Variants in HCN4 observed in about 807,000 individuals in gnomAD.
HCN4 encodes hyperpolarization activated cyclic nucleotide gated potassium channel 4.
Under a neutral mutation model 76.9 loss-of-function variants are expected in HCN4, and 29 were observed. That is an observed-to-expected ratio of 0.38 (90% CI 0.28 to 0.51). The LOEUF (loss-of-function observed/expected upper bound fraction) is 0.51, where lower values mean the gene tolerates loss of function less well. Among genes scored for constraint, HCN4 ranks in the 20% least tolerant of loss-of-function variants. The probability of loss-of-function intolerance (pLI) is 0.90; values close to 1 mark genes in which losing one functional copy is unlikely to be tolerated. For synonymous variants in HCN4, 772 were observed against 762.5 expected, an observed-to-expected ratio of 1.01 and a Z score of -0.21; for missense variants, 1,416 against 1,715.2, an observed-to-expected ratio of 0.83 and a Z score of 3.08.
chr15:73,343,673 G>A lies in HCN4; in HGVS notation c.921C>T (p.Leu307=), dbSNP rs2151221238. The change falls in exon 2 of 8, where the codon CTC becomes CTT. Residue 307 remains leucine, a synonymous_variant. Coordinates refer to ENST00000261917, the MANE Select transcript of HCN4 (RefSeq NM_005477.3). The surrounding 1 kb of genome is among the most constrained non-coding windows in gnomAD (Gnocchi z 5.7). ...TGCGGAAGTTGAGGACCAAGTCGAT[G>A]AGGAAGAATGTGTCTGACACCACAT... is the stretch of plus-strand genomic sequence containing the variant. ...VFNVVSDTFF[L]IDLVLNFRTG... 1.2e-6 allele frequency: 2 copies of A among 1,614,180 alleles called. No individual in the cohort carries two copies. The highest frequency in any genetic ancestry group is 1.6e-4 in the Middle Eastern group (1 of 6,062).
rs774647362 is a variant in HCN4, at chr15:73,367,456, A to T, written c.785+30T>A. On this transcript the variant is annotated intron_variant, in intron 1 of 7. Coordinates refer to ENST00000261917, the MANE Select transcript of HCN4 (RefSeq NM_005477.3). The surrounding 1 kb of genome is among the most constrained non-coding windows in gnomAD (Gnocchi z 7.5). ...AGGCATGCCTGCCACCGCGCAGGGCACCCACAGGATCATCGCTGTGGCCCC... is the reference window on the plus strand; with the variant it reads ...AGGCATGCCTGCCACCGCGCAGGGCTCCCACAGGATCATCGCTGTGGCCCC... 102 of 1,611,854 alleles carry T rather than the reference A, an allele frequency of 6.3e-5. No individual in the cohort carries two copies. Among genetic ancestry groups the T allele is most frequent in the Non-Finnish European group, 8.5e-5 (100 of 1,179,836 alleles).
At position 73,320,464 on chromosome 15, in the gene HCN4, G is replaced by A. The variant is rs758539721; in HGVS notation, c.*2017C>T. On this transcript the variant is annotated 3_prime_UTR_variant, in exon 8 of 8. Transcript: ENST00000261917. ...CTTGGAGCATGGAAGGTTCTGGATG[G>A]ATAATGTGGGACCAGCCCTTCTCAT... 6.6e-6 allele frequency: 1 copy of A among 152,266 alleles called. No individual in the cohort carries two copies. Among genetic ancestry groups the A allele is most frequent in the Non-Finnish European group, 1.5e-5 (1 of 68,090 alleles). The allele number at this position is 152,266 out of a possible 1,614,324, so 9.4% of individuals were successfully genotyped here. A position where few individuals can be genotyped will look rare whatever the true frequency, so the allele number is the denominator to read the frequency against.
chr15:73,333,750 G>A (rs748771506), intron 2 of HCN4, among the ~76,000 whole-genome samples: 1 of 152,162 alleles, frequency 6.6e-6, no homozygotes, highest in Non-Finnish European at 1.5e-5. Context: ...GGACAATAGT[G>A]CCACACCTGA....
chr15:73,368,465 CTCGCCGCG>C lies in HCN4; in HGVS notation c.-203_-196del, dbSNP rs1267259629. The C allele has an allele frequency of 2.7e-6, 1 of 371,244 alleles. No homozygotes were observed. Among genetic ancestry groups the C allele is most frequent in the African/African-American group, 2.1e-5 (1 of 47,084 alleles). 23.0% of individuals were successfully genotyped at this position (371,244 alleles called of 1,614,324 possible). On this transcript the variant is annotated 5_prime_UTR_variant, in exon 1 of 8. Transcript: ENST00000261917. The surrounding 1 kb of genome is among the most constrained non-coding windows in gnomAD (Gnocchi z 6.9). Reference sequence around the variant, plus strand: ...CCTAGTCCCGCTCCGAGTCCCCGGGCTCGCCGCGCTACACCTCCTCCCGGGCCCGGCTG... The same window carrying C: ...CCTAGTCCCGCTCCGAGTCCCCGGGCCTACACCTCCTCCCGGGCCCGGCTG...
At chr15:73,330,307 G>A (rs1046296796) in intron 3 of HCN4, among the ~76,000 whole-genome samples, 2 of 152,184 alleles carry the variant, frequency 1.3e-5, no homozygotes, top group Non-Finnish European at 2.9e-5. Context: ...GTGAGCTAAC[G>A]GGCCTCCTGC....
intron 4 of HCN4, among the ~76,000 whole-genome samples, chr15:73,329,372 T>A (rs2042918781): frequency 6.6e-6 from 1 of 151,952 alleles, no homozygotes; most frequent in Non-Finnish European, 1.5e-5. Flanking sequence ...AAAAAAGACA[T>A]GTGGAGGGGC....
chr15:73,324,530 G>A (rs768380783), intron 6 of HCN4, among the ~76,000 whole-genome samples: 5 of 152,252 alleles, frequency 3.3e-5, no homozygotes, highest in Non-Finnish European at 7.3e-5. Flanking sequence ...GGTATTTGGA[G>A]GTGGGGCCTA....
At position 73,325,185 on chromosome 15, in the gene HCN4, T is replaced by C. The variant is rs1204195890; in HGVS notation, c.1748A>G (p.Asn583Ser). Residue 583 changes from asparagine to serine, a missense_variant, in exon 6 of 8, where the codon AAC (asparagine) becomes AGC (serine). This residue lies in a region of HCN4 where 241 missense variants were observed against 379.4 expected (regional missense o/e 0.64). Coordinates refer to ENST00000261917, the MANE Select transcript of HCN4 (RefSeq NM_005477.3). This position sits in a 1 kb window ranked among gnomAD's most constrained non-coding sequence, Gnocchi z 7.4. ...GGCCACCAGCTTCCGACAGTTAAAG[T>C]TGATGATCTCCTGCCGGACAGGGTG... is the stretch of plus-strand genomic sequence containing the variant. ...LSEPLREEIINFNCRKLVASM... is the reference protein window; with the variant it reads ...LSEPLREEIISFNCRKLVASM... 9 of 1,613,936 alleles carry C rather than the reference T, an allele frequency of 5.6e-6. No individual in the cohort carries two copies. The highest frequency in any genetic ancestry group is 2.7e-5 in the African/African-American group (2 of 74,914).
intron 1 of HCN4, among the ~76,000 whole-genome samples, chr15:73,360,531 C>T (rs2043100528): frequency 6.6e-6 from 1 of 152,142 alleles, no homozygotes; most frequent in South Asian, 2.1e-4. Context: ...TTTTCTTGAA[C>T]TACTTGTGTA....
intron 3 of HCN4, among the ~76,000 whole-genome samples, chr15:73,330,420 G>A (rs1205790186): frequency 6.6e-6 from 1 of 152,198 alleles, no homozygotes; most frequent in Non-Finnish European, 1.5e-5. Context: ...ACAGGAGGAG[G>A]GAAGCTCTTG....
chr15:73,345,116 G>A (rs2043024163), intron 1 of HCN4, among the ~76,000 whole-genome samples: 1 of 152,206 alleles, frequency 6.6e-6, no homozygotes, highest in South Asian at 2.1e-4. Context: ...TCTTCAGAGG[G>A]TCTCACTGTA....
intron 3 of HCN4, among the ~76,000 whole-genome samples, chr15:73,331,155 G>T (rs1417735808): frequency 1.3e-5 from 2 of 152,184 alleles, no homozygotes; most frequent in African/African-American, 4.8e-5. Flanking sequence ...GATCCAGGGT[G>T]TCTTCTGTCC....
At position 73,368,023 on chromosome 15, in the gene HCN4, C is replaced by T. The variant is rs770361300; in HGVS notation, c.248G>A (p.Gly83Asp). The T allele has an allele frequency of 1.4e-6, 2 of 1,421,694 alleles. No homozygotes were observed. The highest frequency in any genetic ancestry group is 1.5e-5 in the African/African-American group (1 of 66,394). 88.1% of individuals were successfully genotyped at this position (1,421,694 alleles called of 1,614,324 possible). A position where few individuals can be genotyped will look rare whatever the true frequency, so the allele number is the denominator to read the frequency against. The change falls in exon 1 of 8, where the codon GGC becomes GAC. Residue 83 changes from glycine to aspartate, a missense_variant. Transcript: ENST00000261917. The surrounding 1 kb of genome is among the most constrained non-coding windows in gnomAD (Gnocchi z 6.9). ...GCCGTTCGTGCTGGACTTGCCCGCGCCGCGGGCCGGCCCTTCGCTGTCCGC... is the reference window on the plus strand; with the variant it reads ...GCCGTTCGTGCTGGACTTGCCCGCGTCGCGGGCCGGCCCTTCGCTGTCCGC... ...GAADSEGPAR[G>D]AGKSSTNGDC...
At chr15:73,339,246 T>C (rs566249864) in intron 2 of HCN4, among the ~76,000 whole-genome samples, 1 of 152,330 alleles carries the variant, frequency 6.6e-6, no homozygotes, top group East Asian at 1.9e-4. Flanking sequence ...GGGAGTCTGC[T>C]GACCCAGATC....
intron 1 of HCN4, among the ~76,000 whole-genome samples, chr15:73,356,514 G>A (rs1178980765): frequency 6.6e-6 from 1 of 151,200 alleles, no homozygotes; most frequent in Non-Finnish European, 1.5e-5. Flanking sequence ...TGCCTGACCC[G>A]GGGCAGAACT....
In HCN4 at chr15:73,343,562, T is replaced by C. The variant is rs754088286; in HGVS notation, c.1032A>G (p.Val344=). The C allele has an allele frequency of 8.1e-6, 13 of 1,614,192 alleles. No individual in the cohort carries two copies. Among genetic ancestry groups the C allele is most frequent in the Non-Finnish European group, 1.1e-5 (13 of 1,180,038 alleles). The change falls in exon 2 of 8, where the codon GTA becomes GTG. Residue 344 remains valine, a synonymous_variant. Transcript: ENST00000261917. The surrounding 1 kb of genome is among the most constrained non-coding windows in gnomAD (Gnocchi z 5.7). ...CCACGGGGATGGAGGAAATGAAATCTACCATGAACCAGCTTTTCAGGTACT... is the reference window on the plus strand; with the variant it reads ...CCACGGGGATGGAGGAAATGAAATCCACCATGAACCAGCTTTTCAGGTACT... ...KMKYLKSWFM[V]DFISSIPVDY...
At chr15:73,335,827 T>C (rs12905211) in intron 2 of HCN4, among the ~76,000 whole-genome samples, 75,305 of 151,890 alleles carry the variant, frequency 0.5, 19,536 homozygotes, top group East Asian at 0.74. Context: ...GAGAGGAGCC[T>C]TCCGGAGTGG....
Position 73,323,821 on chromosome 15 carries a change from G to A in HCN4, c.2272C>T (p.Arg758Cys), listed in dbSNP as rs777209839. 1.0e-5 allele frequency: 16 copies of A among 1,606,452 alleles called. No homozygotes were observed. Among genetic ancestry groups the A allele is most frequent in the Non-Finnish European group, 1.3e-5 (15 of 1,179,904 alleles). Residue 758 changes from arginine (R) to cysteine (C), a missense_variant, in exon 8 of 8, where the codon CGC becomes TGC. Coordinates refer to ENST00000261917, the MANE Select transcript of HCN4 (RefSeq NM_005477.3). ...HDREMAHCAH[R>C]VQAAASATPT... ...GTGGCAGAGGCAGCAGCCTGGACGCGGTGCGCGCAGTGGGCCATCTCCCGG... is the reference window on the plus strand; with the variant it reads ...GTGGCAGAGGCAGCAGCCTGGACGCAGTGCGCGCAGTGGGCCATCTCCCGG...
chr15:73,341,993 C>T (rs925388819), intron 2 of HCN4, among the ~76,000 whole-genome samples: 6 of 152,196 alleles, frequency 3.9e-5, no homozygotes, highest in Admixed American at 6.5e-5. Flanking sequence ...AAGTCAGCCA[C>T]GCGGCACAGG....
Sources: allele counts gnomAD v4.1 joint callset (sites outside exome capture counted in the v4.1 genomes callset), GRCh38; gene constraint gnomAD v4.1.1; regional missense constraint gnomAD v4.1.1; non-coding constraint Gnocchi (gnomAD v3.1); transcripts MANE v1.5; gene names NCBI Gene and HGNC (gene_info 2026-07-23, HGNC 2026-07-21).